The following DACH2 variants were observed in gnomAD, a reference collection of about 807,000 sequenced individuals.
DACH2 encodes dachshund family transcription factor 2, also known as dachshund homolog 2.
DACH2 carries 17 observed loss-of-function variants against 35.8 expected under a neutral mutation model. The observed-to-expected ratio is 0.48, with a 90% CI of 0.33 to 0.71. The LOEUF is 0.71. Ranked by LOEUF, DACH2 falls within the 30% of genes least tolerant of loss-of-function variation. The pLI, the probability that DACH2 is intolerant of heterozygous loss-of-function variation, is 0.02. For missense variants in DACH2, 469 were observed against 472.7 expected, an observed-to-expected ratio of 0.99 and a Z score of 0.07; for synonymous variants, 195 against 177.3, an observed-to-expected ratio of 1.10 and a Z score of -0.79.
At position 86,235,016 on chromosome X, in the gene DACH2, A is replaced by G. The variant is rs1384019375; in HGVS notation, c.488+85908A>G. Among the ~76,000 whole-genome samples the G allele has an allele frequency of 2.7e-5, 3 of 111,892 alleles. No homozygotes were observed. In the East Asian group the frequency reaches 8.4e-4, roughly 31 times the overall value. On this transcript the variant is annotated intron_variant, in intron 1 of 11. Transcript: ENST00000373125. ...GTTCTGTGATTTCATCCAGGATACC[A>G]CATTCCATTTAGTTGTCATGTTTCT...
At chrX:86,410,925 G>C (rs1159950277) in intron 2 of DACH2, among the ~76,000 whole-genome samples, 1 of 102,861 alleles carries the variant, frequency 9.7e-6, no homozygotes, top group Non-Finnish European at 2.0e-5. Flanking sequence ...CATTTGCTTT[G>C]TCTGTACATC....
intron 2 of DACH2, among the ~76,000 whole-genome samples, chrX:86,413,488 A>G (rs140520835): frequency 8.6e-4 from 96 of 111,781 alleles, no homozygotes; most frequent in African/African-American, 3.0e-3. Flanking sequence ...CATCTTGGTT[A>G]AGCTTATGAT....
chrX:86,343,641 T>C (rs2148063499), intron 1 of DACH2, among the ~76,000 whole-genome samples: 1 of 112,058 alleles, frequency 8.9e-6, no homozygotes, highest in East Asian at 2.8e-4. Flanking sequence ...CTTGGCATTT[T>C]ACCCATTAGG....
chrX:86,165,295 T>G (rs1029339540), intron 1 of DACH2, among the ~76,000 whole-genome samples: 1 of 111,355 alleles, frequency 9.0e-6, no homozygotes. Flanking sequence ...AACAAGGGAG[T>G]GCAGGTATCT....
chrX:86,359,953 G>A (rs1470147403), intron 1 of DACH2, among the ~76,000 whole-genome samples: 1 of 109,131 alleles, frequency 9.2e-6, no homozygotes, highest in Non-Finnish European at 1.9e-5. Flanking sequence ...CTAGATCACC[G>A]CTCGCTGCAG....
At chrX:86,223,643 C>T (rs142069746) in intron 1 of DACH2, among the ~76,000 whole-genome samples, 1,243 of 111,834 alleles carry the variant, frequency 0.011, 23 homozygotes, top group African/African-American at 0.038. Flanking sequence ...CACCAGAAAA[C>T]GGAATTGGAA....
chrX:86,522,284 G>A (rs771020526), intron 3 of DACH2, among the ~76,000 whole-genome samples: 4 of 111,231 alleles, frequency 3.6e-5, no homozygotes, highest in South Asian at 3.7e-4. Flanking sequence ...ATGTAGTGTC[G>A]TTAAAATATT....
intron 2 of DACH2, among the ~76,000 whole-genome samples, chrX:86,512,503 G>T (rs765376165): frequency 7.2e-5 from 8 of 111,590 alleles, no homozygotes; most frequent in African/African-American, 2.6e-4. Flanking sequence ...GGCTCATCAC[G>T]TGGAAGTAGA....
intron 1 of DACH2, among the ~76,000 whole-genome samples, chrX:86,292,252 C>A (rs1304880270): frequency 1.4e-5 from 1 of 70,193 alleles, no homozygotes; most frequent in Admixed American, 1.9e-4. Flanking sequence ...GTTTGTATTT[C>A]TGTGGGATCG....
At chrX:86,530,708 G>A (rs1287999184) in intron 3 of DACH2, among the ~76,000 whole-genome samples, 1 of 112,091 alleles carries the variant, frequency 8.9e-6, no homozygotes, top group African/African-American at 3.2e-5. Context: ...TGAAGTGGAG[G>A]TTTGCTATAA....
intron 3 of DACH2, among the ~76,000 whole-genome samples, chrX:86,598,749 T>C (rs1483963930): frequency 1.8e-5 from 2 of 110,218 alleles, no homozygotes; most frequent in East Asian, 5.7e-4. Context: ...TCCCACACTG[T>C]TCCAAAAAAA....
At chrX:86,811,924 A>T (rs1052977025) in intron 7 of DACH2, among the ~76,000 whole-genome samples, 10 of 111,862 alleles carry the variant, frequency 8.9e-5, no homozygotes, top group Non-Finnish European at 1.7e-4. Flanking sequence ...TTTATAGAGT[A>T]ATGAGAATAT....
intron 1 of DACH2, among the ~76,000 whole-genome samples, chrX:86,305,724 C>T (rs752477821): frequency 1.8e-5 from 2 of 109,001 alleles, no homozygotes; most frequent in South Asian, 3.9e-4. Flanking sequence ...TCGAACAACT[C>T]GATAGCAGAA....
intron 2 of DACH2, chrX:86,512,948 A>G (rs2038415687): frequency 3.1e-6 from 1 of 327,264 alleles, no homozygotes; most frequent in Non-Finnish European, 5.9e-6. Flanking sequence ...TCCATTTATA[A>G]AATTGAAACA....
intron 3 of DACH2, among the ~76,000 whole-genome samples, chrX:86,644,500 G>A (rs748620727): frequency 7.9e-4 from 88 of 111,358 alleles, no homozygotes; most frequent in African/African-American, 2.7e-3. Context: ...ACTGCCCAAA[G>A]CAATGTACAA....
chrX:86,778,593 C>A (rs567145240), intron 7 of DACH2, among the ~76,000 whole-genome samples: 2 of 111,438 alleles, frequency 1.8e-5, no homozygotes, highest in African/African-American at 6.5e-5. Flanking sequence ...CCCCGAGAAA[C>A]TAGAACCTTA....
At chrX:86,380,910 G>A (rs1019663487) in intron 2 of DACH2, among the ~76,000 whole-genome samples, 6 of 110,159 alleles carry the variant, frequency 5.4e-5, no homozygotes, top group African/African-American at 9.8e-5. Flanking sequence ...AGATTTATCC[G>A]TATTGATATA....
chrX:86,374,664 G>T (rs1319798734), intron 1 of DACH2, among the ~76,000 whole-genome samples: 1 of 111,108 alleles, frequency 9.0e-6, no homozygotes, highest in Non-Finnish European at 1.9e-5. Context: ...CAGCCACAAA[G>T]ACACATTTTA....
chrX:86,375,698 C>T (rs1395487885), intron 1 of DACH2, among the ~76,000 whole-genome samples: 5 of 108,142 alleles, frequency 4.6e-5, no homozygotes, highest in African/African-American at 1.3e-4. Flanking sequence ...AAAGGCTCAC[C>T]TTCACTCTTA....
Sources: gnomAD v4.1 joint callset for allele counts (sites outside exome capture counted in the v4.1 genomes callset) on GRCh38, gnomAD v4.1.1 for gene constraint, MANE v1.5 for transcripts, NCBI Gene and HGNC (gene_info 2026-07-23, HGNC 2026-07-21) for gene names.